Variants in NSMCE2 observed in about 807,000 individuals in gnomAD.
NSMCE2 encodes E3 SUMO-protein ligase NSE2.
In NSMCE2, 24 loss-of-function variants were observed where a neutral mutation model predicts 23.8. The observed-to-expected ratio is 1.01, with a 90% CI of 0.73 to 1.42. The LOEUF is 1.42. NSMCE2 is among the 40% of genes most tolerant of loss of function. NSMCE2 has a pLI of 0.00. For synonymous variants in NSMCE2, 92 were observed against 94.1 expected, an observed-to-expected ratio of 0.98 and a Z score of 0.13; for missense variants, 284 against 296.5, an observed-to-expected ratio of 0.96 and a Z score of 0.31.
At chr8:125,303,355 G>A (rs1333292664) in intron 5 of NSMCE2, among the ~76,000 whole-genome samples, 3 of 152,106 alleles carry the variant, frequency 2.0e-5, no homozygotes, top group African/African-American at 7.2e-5. Flanking sequence ...GAATTCTTTG[G>A]AATTCTGATT....
intron 5 of NSMCE2, among the ~76,000 whole-genome samples, chr8:125,265,420 C>T (rs772959043): frequency 1.7e-4 from 26 of 152,006 alleles, no homozygotes; most frequent in Non-Finnish European, 2.8e-4. Flanking sequence ...AGGAGTTCTC[C>T]GTGTTGGTCA....
chr8:125,312,833 G>T (rs981579095), intron 5 of NSMCE2, among the ~76,000 whole-genome samples: 1 of 152,166 alleles, frequency 6.6e-6, no homozygotes, highest in Admixed American at 6.6e-5. Context: ...TAAAGAGTAC[G>T]GGGCCGGTTG....
chr8:125,215,860 A>G (rs1356657177), intron 5 of NSMCE2, among the ~76,000 whole-genome samples: 1 of 152,182 alleles, frequency 6.6e-6, no homozygotes, highest in Non-Finnish European at 1.5e-5. Flanking sequence ...TTGTGCGTTT[A>G]TCACTTGAAC....
chr8:125,356,844 A>C (rs1478026246), intron 5 of NSMCE2, among the ~76,000 whole-genome samples: 1 of 152,136 alleles, frequency 6.6e-6, no homozygotes, highest in Non-Finnish European at 1.5e-5. Flanking sequence ...CATCTCTTTT[A>C]ATCTTTGCCA....
intron 5 of NSMCE2, among the ~76,000 whole-genome samples, chr8:125,298,728 T>C (rs1257776509): frequency 6.7e-6 from 1 of 149,034 alleles, no homozygotes; most frequent in Non-Finnish European, 1.5e-5. Flanking sequence ...GTTTAGGTCT[T>C]ACCAGGAACT....
intron 5 of NSMCE2, among the ~76,000 whole-genome samples, chr8:125,310,627 C>T (rs566194257): frequency 6.6e-6 from 1 of 152,056 alleles, no homozygotes; most frequent in Non-Finnish European, 1.5e-5. Context: ...CCTGCAAGTA[C>T]CTCATCCATT....
chr8:125,256,213 G>A (rs1826401854), intron 5 of NSMCE2, among the ~76,000 whole-genome samples: 3 of 151,784 alleles, frequency 2.0e-5, no homozygotes, highest in Non-Finnish European at 2.9e-5. Flanking sequence ...AACCTGGGAG[G>A]CGGAGGTTGC....
chr8:125,285,864 A>T (rs553986168), intron 5 of NSMCE2, among the ~76,000 whole-genome samples: 17 of 152,140 alleles, frequency 1.1e-4, no homozygotes, highest in African/African-American at 3.9e-4. Context: ...AGGTAACTGA[A>T]GCTTGGTGAG....
At chr8:125,145,083 G>T (rs1820601275) in intron 3 of NSMCE2, among the ~76,000 whole-genome samples, 1 of 152,158 alleles carries the variant, frequency 6.6e-6, no homozygotes, top group South Asian at 2.1e-4. Context: ...ACTCTAAAAA[G>T]AAACCCCCTC....
chr8:125,125,619 T>C (rs565884340), intron 3 of NSMCE2, among the ~76,000 whole-genome samples: 1 of 152,194 alleles, frequency 6.6e-6, no homozygotes, highest in East Asian at 1.9e-4. Context: ...TAATGATGAG[T>C]AGGCATTCCC....
At chr8:125,346,880 C>G (rs1487595536) in intron 5 of NSMCE2, among the ~76,000 whole-genome samples, 3 of 152,100 alleles carry the variant, frequency 2.0e-5, no homozygotes, top group African/African-American at 7.2e-5. Context: ...GACATGTCTG[C>G]AACAACAGTA....
At chr8:125,168,338 G>A (rs1178526222) in intron 4 of NSMCE2, among the ~76,000 whole-genome samples, 1 of 152,184 alleles carries the variant, frequency 6.6e-6, no homozygotes, top group African/African-American at 2.4e-5. Context: ...ACTGGGAGGA[G>A]GATGGAAGAA....
intron 1 of NSMCE2, among the ~76,000 whole-genome samples, chr8:125,098,580 T>C (rs1022866374): frequency 6.6e-6 from 1 of 152,052 alleles, no homozygotes; most frequent in Non-Finnish European, 1.5e-5. Flanking sequence ...GAGATGATGG[T>C]TTGAATCACG....
intron 5 of NSMCE2, among the ~76,000 whole-genome samples, chr8:125,341,898 A>G (rs1422919649): frequency 2.0e-4 from 1 of 5,122 alleles, no homozygotes; most frequent in South Asian, 3.1e-3. Flanking sequence ...CTAGAAATGG[A>G]AAAAAAAAAA....
At chr8:125,111,789 G>A (rs1023308071) in intron 3 of NSMCE2, among the ~76,000 whole-genome samples, 1 of 152,140 alleles carries the variant, frequency 6.6e-6, no homozygotes, top group East Asian at 1.9e-4. Context: ...AGTAGAGTGA[G>A]ACCGTGTCTC....
chr8:125,294,290 T>G (rs1828236901), intron 5 of NSMCE2, among the ~76,000 whole-genome samples: 1 of 152,188 alleles, frequency 6.6e-6, no homozygotes, highest in Non-Finnish European at 1.5e-5. Flanking sequence ...GGACATTTGT[T>G]TTTATTTCCA....
At chr8:125,288,831 C>G (rs1292401597) in intron 5 of NSMCE2, among the ~76,000 whole-genome samples, 1 of 152,030 alleles carries the variant, frequency 6.6e-6, no homozygotes, top group African/African-American at 2.4e-5. Flanking sequence ...GGTTTGCAGT[C>G]TCGCCCTAGC....
intron 5 of NSMCE2, among the ~76,000 whole-genome samples, chr8:125,276,030 C>T (rs949043205): frequency 2.6e-5 from 4 of 152,150 alleles, no homozygotes; most frequent in Admixed American, 6.5e-5. Flanking sequence ...AGAGGTCTGC[C>T]CCCCGCACTG....
In NSMCE2 at chr8:125,143,103, C is replaced by CAT. The variant is rs796938969; in HGVS notation, c.158-8067_158-8066insTA. On this transcript the variant is annotated intron_variant, in intron 3 of 7. Coordinates refer to ENST00000287437, the MANE Select transcript of NSMCE2 (RefSeq NM_173685.4). ...CACCCCCAGTGTGGGTGCACGCACA[C>CAT]ACACACACACACACACACAGAGGTA... is the stretch of plus-strand genomic sequence containing the variant. 4.1e-4 allele frequency among the ~76,000 whole-genome samples: 62 copies of CAT among 150,486 alleles called. 1 individual carries two copies. The highest frequency in any genetic ancestry group is 3.4e-3 in the Middle Eastern group (1 of 294).
Sources: gnomAD v4.1 joint callset for allele counts (sites outside exome capture counted in the v4.1 genomes callset) on GRCh38, gnomAD v4.1.1 for gene constraint, MANE v1.5 for transcripts, NCBI Gene and HGNC (gene_info 2026-07-23, HGNC 2026-07-21) for gene names.